BMPER: variants seen among roughly 807,000 people sequenced by gnomAD.
BMPER encodes the protein BMP binding endothelial regulator.
Under a neutral mutation model 87.3 loss-of-function variants are expected in BMPER, and 45 were observed. The observed-to-expected ratio is 0.52, with a 90% CI of 0.41 to 0.66. BMPER has a LOEUF of 0.66. Ranked by LOEUF, BMPER falls within the 30% of genes least tolerant of loss-of-function variation. BMPER has a pLI of 0.00. For missense variants in BMPER, 784 were observed against 867.5 expected (o/e 0.90, Z 1.21); for synonymous variants, 326 against 316.2 (o/e 1.03, Z -0.33).
intron 13 of BMPER, among the ~76,000 whole-genome samples, chr7:34,127,346 C>T (rs1362451): frequency 2.0e-5 from 3 of 152,052 alleles, no homozygotes; most frequent in African/African-American, 4.8e-5. Flanking sequence ...GAGCTGGCTT[C>T]TATTGTCCCC....
At chr7:34,138,842 T>C (rs1012849859) in intron 13 of BMPER, among the ~76,000 whole-genome samples, 2 of 152,034 alleles carry the variant, frequency 1.3e-5, no homozygotes, top group African/African-American at 4.8e-5. Flanking sequence ...AAACAGAACA[T>C]AAATGTGACA....
rs555413353 is a variant in BMPER at position 34,091,205 on chromosome 7, T to C, written c.1745+5113T>C. ...TACAAAGGAAACTGATCACTTATTA[T>C]AAAGCAATAGAAAATATACAGGCAA... is the stretch of plus-strand genomic sequence containing the variant. On this transcript the variant is annotated intron_variant, in intron 13 of 14. Transcript: ENST00000649409. Among the ~76,000 whole-genome samples, 15 of 152,318 alleles carry C rather than the reference T, an allele frequency of 9.8e-5. No homozygotes were observed. In the South Asian group the frequency reaches 2.9e-3, roughly 29 times the overall value.
intron 6 of BMPER, among the ~76,000 whole-genome samples, chr7:33,981,379 C>T (rs1445039136): frequency 6.6e-6 from 1 of 152,208 alleles, no homozygotes; most frequent in Non-Finnish European, 1.5e-5. Flanking sequence ...TATACCTAGA[C>T]AGTCTCCGCC....
At chr7:33,919,163 G>A (rs1585634972) in intron 2 of BMPER, among the ~76,000 whole-genome samples, 1 of 152,148 alleles carries the variant, frequency 6.6e-6, no homozygotes, top group Non-Finnish European at 1.5e-5. Context: ...ATGTTAATGG[G>A]TCATGTTACA....
chr7:34,008,862 A>G (rs893487577), intron 6 of BMPER, among the ~76,000 whole-genome samples: 1 of 151,692 alleles, frequency 6.6e-6, no homozygotes, highest in Non-Finnish European at 1.5e-5. Flanking sequence ...ATTTCTTTTG[A>G]GACAGGTCTC....
intron 3 of BMPER, among the ~76,000 whole-genome samples, chr7:33,956,145 G>A (rs1785143430): frequency 6.6e-6 from 1 of 152,190 alleles, no homozygotes; most frequent in Admixed American, 6.5e-5. Flanking sequence ...GAAAACGTAT[G>A]TAGGAGAATA....
intron 11 of BMPER, among the ~76,000 whole-genome samples, chr7:34,069,754 G>A (rs2127969520): frequency 6.6e-6 from 1 of 152,098 alleles, no homozygotes; most frequent in East Asian, 1.9e-4. Context: ...TTTTAAAAAT[G>A]TACCTACATT....
chr7:34,078,774 C>A, intron 11 of BMPER, 83 bp from the exon 12 acceptor site: 1 of 1,431,666 alleles, frequency 7.0e-7, no homozygotes, highest in South Asian at 1.1e-5. Context: ...TAAGGCTTCC[C>A]CTTACCCAGC....
At chr7:34,083,236 G>C (rs1789102747) in intron 12 of BMPER, among the ~76,000 whole-genome samples, 2 of 152,230 alleles carry the variant, frequency 1.3e-5, no homozygotes, top group Admixed American at 6.5e-5. Flanking sequence ...GATAGTTGTA[G>C]TTGCCAGAGT....
intron 14 of BMPER, among the ~76,000 whole-genome samples, chr7:34,148,892 C>A (rs776608317): frequency 2.0e-4 from 30 of 152,270 alleles, no homozygotes; most frequent in Non-Finnish European, 3.1e-4. Flanking sequence ...GGGAGCAAAG[C>A]CTCTAGAGGG....
intron 6 of BMPER, among the ~76,000 whole-genome samples, chr7:34,038,563 CAAT>C (rs1787746665): frequency 6.6e-6 from 1 of 152,020 alleles, no homozygotes; most frequent in African/African-American, 2.4e-5. Context: ...ATAATATAAA[CAAT>C]AATAACAATA....
Position 34,079,127 on chromosome 7 carries a change from G to A in BMPER, c.1349G>A (p.Arg450His), listed in dbSNP as rs767955858. Residue 450 changes from arginine to histidine, a missense_variant, in exon 12 of 15, where the codon CGC becomes CAC. Physicochemically the swap from Arg to His is conservative, Grantham distance 29 (BLOSUM62 0). Coordinates refer to ENST00000649409, the MANE Select transcript of BMPER (RefSeq NM_001365308.1). ...GGCTCGCGCATCGCGCTCCCCTGCCGCGCGCCACACTTCCACATCGACCTG... is the reference window on the plus strand; with the variant it reads ...GGCTCGCGCATCGCGCTCCCCTGCCACGCGCCACACTTCCACATCGACCTG... ...WNGSRIALPC[R>H]APHFHIDLDG... 14 of 1,613,694 alleles carry A rather than the reference G, an allele frequency of 8.7e-6. No individual in the cohort carries two copies. The highest frequency in any genetic ancestry group is 1.1e-5 in the Non-Finnish European group (13 of 1,179,960).
chr7:34,132,791 T>C (rs1583468651), intron 13 of BMPER, among the ~76,000 whole-genome samples: 1 of 152,274 alleles, frequency 6.6e-6, no homozygotes, highest in East Asian at 1.9e-4. Flanking sequence ...CCCATCACTT[T>C]ACAAACTAAG....
chr7:34,030,274 A>T (rs114357620), intron 6 of BMPER, among the ~76,000 whole-genome samples: 4,059 of 152,176 alleles, frequency 0.027, 190 homozygotes, highest in African/African-American at 0.092. Flanking sequence ...CAGCTATAGA[A>T]CCTTAGGAAA....
chr7:34,140,603 TA>T (rs1209203778), intron 13 of BMPER, among the ~76,000 whole-genome samples: 1 of 152,094 alleles, frequency 6.6e-6, no homozygotes, highest in Non-Finnish European at 1.5e-5. Flanking sequence ...GGAGTGTATG[TA>T]CACAGTGGTT....
intron 11 of BMPER, among the ~76,000 whole-genome samples, chr7:34,072,903 C>T (rs565542137): frequency 6.6e-6 from 1 of 152,334 alleles, no homozygotes; most frequent in Non-Finnish European, 1.5e-5. Flanking sequence ...TTGGATTTCT[C>T]AGCTAGCTTT....
chr7:33,941,392 A>G (rs1291017402), intron 3 of BMPER, among the ~76,000 whole-genome samples: 1 of 151,502 alleles, frequency 6.6e-6, no homozygotes, highest in Non-Finnish European at 1.5e-5. Context: ...CTTTCCATGG[A>G]CAGGGGTCGG....
At chr7:34,122,976 A>G (rs1020291198) in intron 13 of BMPER, among the ~76,000 whole-genome samples, 1 of 152,204 alleles carries the variant, frequency 6.6e-6, no homozygotes, top group Admixed American at 6.5e-5. Flanking sequence ...TTTATAGAAT[A>G]TGGCATAAAG....
At chr7:34,066,298 G>A (rs1307202814) in intron 11 of BMPER, among the ~76,000 whole-genome samples, 1 of 152,184 alleles carries the variant, frequency 6.6e-6, no homozygotes, top group Admixed American at 6.5e-5. Context: ...TGGCCTGAAG[G>A]AGCAATGATG....
Sources: allele counts gnomAD v4.1 joint callset (sites outside exome capture counted in the v4.1 genomes callset), GRCh38; gene constraint gnomAD v4.1.1; transcripts MANE v1.5; gene names NCBI Gene and HGNC (gene_info 2026-07-23, HGNC 2026-07-21).